The following DOCK1 variants were observed in gnomAD, a reference collection of about 807,000 sequenced individuals.
DOCK1 encodes the protein dedicator of cytokinesis protein 1.
In DOCK1, 138 loss-of-function variants were observed where a neutral mutation model predicts 262.7. The observed-to-expected ratio is 0.53, with a 90% CI of 0.46 to 0.61. The LOEUF (loss-of-function observed/expected upper bound fraction) is 0.61. DOCK1 is among the 20% of genes least tolerant of loss of function. DOCK1 has a pLI of 0.00. For missense variants in DOCK1, 1,908 were observed against 2,370.7 expected (o/e 0.80, Z 4.05); for synonymous variants, 866 against 867.4 (o/e 1.00, Z 0.03).
intron 8 of DOCK1, 87 bp from the exon 9 acceptor site, chr10:126,999,267 T>C (rs926396476): frequency 2.0e-6 from 2 of 984,284 alleles, no homozygotes; most frequent in Non-Finnish European, 3.2e-6. Context: ...TGCACGTACA[T>C]GGTATTAATT....
At chr10:126,917,232 T>C (rs912657708) in intron 1 of DOCK1, among the ~76,000 whole-genome samples, 6 of 152,240 alleles carry the variant, frequency 3.9e-5, no homozygotes, top group Admixed American at 1.3e-4. Flanking sequence ...AATTAGCTCC[T>C]CTCCGCTCAG....
intron 45 of DOCK1, 98 bp from the exon 46 acceptor site, chr10:127,419,568 A>C (rs527968603): frequency 8.6e-7 from 1 of 1,166,066 alleles, no homozygotes; most frequent in Non-Finnish European, 1.2e-6. Flanking sequence ...GATCTGTTTT[A>C]TGCACAGCTC....
rs748687725 is a variant in DOCK1, at chr10:127,354,651, C to A, written c.3225-18C>A. 7 of 1,613,306 alleles carry A rather than the reference C, an allele frequency of 4.3e-6. No individual in the cohort carries two copies. Among genetic ancestry groups the A allele is most frequent in the Non-Finnish European group, 5.9e-6 (7 of 1,179,616 alleles). The stretch of plus-strand genomic sequence containing the variant: ...CCTTCCGGAGTGATTCAGCGTTTTT[C>A]TTTTCCCTGATTTCCAGGTACGGAG... On this transcript the variant is annotated intron_variant, in intron 31 of 51. Coordinates refer to ENST00000623213, the MANE Select transcript of DOCK1 (RefSeq NM_001290223.2).
chr10:126,990,667 C>T, intron 6 of DOCK1, 64 bp downstream of exon 6: 2 of 1,522,738 alleles, frequency 1.3e-6, no homozygotes, highest in Non-Finnish European at 1.8e-6. Flanking sequence ...CACTATAAGT[C>T]TTCAGGAGAC....
intron 29 of DOCK1, among the ~76,000 whole-genome samples, chr10:127,300,899 T>A (rs934692987): frequency 6.6e-6 from 1 of 152,172 alleles, no homozygotes; most frequent in Non-Finnish European, 1.5e-5. Context: ...TATCAGTGCT[T>A]GCAACCCCAC....
At chr10:127,178,116 C>A (rs1246550910) in intron 27 of DOCK1, among the ~76,000 whole-genome samples, 1 of 152,158 alleles carries the variant, frequency 6.6e-6, no homozygotes, top group South Asian at 2.1e-4. Context: ...TTCACAGCCA[C>A]CATCTAAAAG....
Position 127,125,591 on chromosome 10 carries a change from G to A in DOCK1, c.2741G>A (p.Arg914Lys), listed in dbSNP as rs769237090. Residue 914 changes from arginine (R) to lysine (K), a missense_variant, in exon 26 of 52, where the codon AGG becomes AAG. This residue lies in a region of DOCK1 where 518 missense variants were observed against 575.1 expected (regional missense o/e 0.90). Transcript: ENST00000623213. Reference protein sequence around the residue: ...LLSHILEVLYRKDVGPTQRHV... With the variant: ...LLSHILEVLYKKDVGPTQRHV... The stretch of plus-strand genomic sequence containing the variant: ...AGCCACATCCTGGAGGTGCTGTACA[G>A]GAAGGACGTGGTGAGTGTTGGCTCT... 9.4e-5 allele frequency: 151 copies of A among 1,613,506 alleles called. No individual in the cohort carries two copies. The highest frequency in any genetic ancestry group is 1.2e-4 in the Non-Finnish European group (145 of 1,179,806).
intron 18 of DOCK1, among the ~76,000 whole-genome samples, chr10:127,036,043 T>TAAATAAATTAAA (rs1554870785): frequency 1.9e-3 from 281 of 147,658 alleles, no homozygotes; most frequent in African/African-American, 6.8e-3. Flanking sequence ...AATAAATAAA[T>TAAATAAATTAAA]AAAAAAGAGT....
At chr10:127,147,680 C>T (rs2052021650) in intron 27 of DOCK1, among the ~76,000 whole-genome samples, 1 of 151,996 alleles carries the variant, frequency 6.6e-6, no homozygotes, top group African/African-American at 2.4e-5. Context: ...AATTAATACC[C>T]TTTAGGACCC....
At chr10:127,261,433 G>A (rs757031479) in intron 29 of DOCK1, among the ~76,000 whole-genome samples, 22 of 143,946 alleles carry the variant, frequency 1.5e-4, no homozygotes, top group Non-Finnish European at 2.7e-4. Context: ...ATGCTCATCT[G>A]TGTGTGTACC....
intron 27 of DOCK1, among the ~76,000 whole-genome samples, chr10:127,189,517 A>G (rs2056560828): frequency 6.6e-6 from 1 of 152,260 alleles, no homozygotes; most frequent in Non-Finnish European, 1.5e-5. Context: ...TATATTCAGA[A>G]TAAATATTAT....
chr10:127,048,064 T>C (rs941039570), intron 21 of DOCK1, among the ~76,000 whole-genome samples: 5 of 152,218 alleles, frequency 3.3e-5, no homozygotes, highest in African/African-American at 1.2e-4. Flanking sequence ...GATACGTGTA[T>C]AGTTTTCTTT....
chr10:127,062,264 A>G (rs926151605), intron 23 of DOCK1, among the ~76,000 whole-genome samples: 2 of 152,088 alleles, frequency 1.3e-5, no homozygotes, highest in African/African-American at 4.8e-5. Flanking sequence ...TTTTATTTTT[A>G]GATGACACAT....
chr10:127,229,357 G>T (rs946110334), intron 27 of DOCK1, among the ~76,000 whole-genome samples: 10 of 152,156 alleles, frequency 6.6e-5, no homozygotes, highest in Admixed American at 6.5e-4. Flanking sequence ...CTGTCTAAAT[G>T]AAATTTTGTT....
intron 27 of DOCK1, among the ~76,000 whole-genome samples, chr10:127,210,410 G>A (rs1259616692): frequency 6.6e-6 from 1 of 152,196 alleles, no homozygotes; most frequent in African/African-American, 2.4e-5. Flanking sequence ...AATTTCTTCT[G>A]CAGGATGTAG....
At chr10:127,223,815 CTG>C (rs1016087037) in intron 27 of DOCK1, among the ~76,000 whole-genome samples, 243 of 152,270 alleles carry the variant, frequency 1.6e-3, no homozygotes, top group African/African-American at 5.5e-3. Context: ...CCTTTTTAAG[CTG>C]ATCACTGTCT....
At chr10:126,928,415 T>A (rs2033932055) in intron 1 of DOCK1, among the ~76,000 whole-genome samples, 2 of 152,124 alleles carry the variant, frequency 1.3e-5, no homozygotes, top group South Asian at 2.1e-4. Flanking sequence ...CAGCTTAAGA[T>A]GTGGTCATGC....
At chr10:127,243,650 C>T (rs751406995) in intron 27 of DOCK1, among the ~76,000 whole-genome samples, 5 of 152,230 alleles carry the variant, frequency 3.3e-5, no homozygotes, top group East Asian at 3.9e-4. Flanking sequence ...TGGGGGTGTG[C>T]GGGGACGACT....
intron 27 of DOCK1, among the ~76,000 whole-genome samples, chr10:127,149,081 C>CCAA (rs2052210276): frequency 6.6e-6 from 1 of 152,168 alleles, no homozygotes; most frequent in East Asian, 1.9e-4. Flanking sequence ...TGTTTTTCAG[C>CCAA]TGAGGAATGC....
Sources: allele counts gnomAD v4.1 joint callset (sites outside exome capture counted in the v4.1 genomes callset), GRCh38; gene constraint gnomAD v4.1.1; regional missense constraint gnomAD v4.1.1; transcripts MANE v1.5; gene names NCBI Gene and HGNC (gene_info 2026-07-23, HGNC 2026-07-21).